Variants in SCD5 observed in about 807,000 individuals in gnomAD.
SCD5 encodes acyl-CoA-desaturase 4.
Under a neutral mutation model 30.4 loss-of-function variants are expected in SCD5, and 20 were observed. The observed-to-expected ratio is 0.66, with a 90% confidence interval of 0.46 to 0.96. The LOEUF (loss-of-function observed/expected upper bound fraction) is 0.96, where lower values mean the gene tolerates loss of function less well. Among genes scored for constraint, SCD5 ranks in the 40% least tolerant of loss-of-function variants. SCD5 has a pLI of 0.00. For missense variants in SCD5, 381 were observed against 443.3 expected (o/e 0.86, Z 1.26); for synonymous variants, 173 against 176.4 (o/e 0.98, Z 0.16).
intron 3 of SCD5, among the ~76,000 whole-genome samples, chr4:82,664,849 T>G (rs2135505): frequency 0.33 from 50,172 of 150,738 alleles, 9,043 homozygotes; most frequent in African/African-American, 0.48. Context: ...GAAGAAGCCA[T>G]GCATTGTGGC....
intron 1 of SCD5, among the ~76,000 whole-genome samples, chr4:82,768,583 A>C (rs1721543239): frequency 6.6e-6 from 1 of 152,216 alleles, no homozygotes; most frequent in African/African-American, 2.4e-5. Flanking sequence ...AATGAAATGC[A>C]TTATTTGCAA....
At chr4:82,755,763 G>A (rs1721222068) in intron 1 of SCD5, among the ~76,000 whole-genome samples, 1 of 152,034 alleles carries the variant, frequency 6.6e-6, no homozygotes, top group Non-Finnish European at 1.5e-5. Context: ...ACCCTCTAAA[G>A]CATATTTGTC....
intron 1 of SCD5, among the ~76,000 whole-genome samples, chr4:82,768,858 T>C (rs1222234761): frequency 1.3e-5 from 2 of 151,996 alleles, no homozygotes; most frequent in Middle Eastern, 3.2e-3. Flanking sequence ...ATGAGAGGTG[T>C]AGTGTGAAGG....
intron 1 of SCD5, among the ~76,000 whole-genome samples, chr4:82,777,991 G>C (rs1721789832): frequency 6.7e-6 from 1 of 149,660 alleles, no homozygotes; most frequent in South Asian, 2.1e-4. Context: ...TAATAGACTG[G>C]ATAAAGAAAA....
chr4:82,747,071 C>CCCCCG (rs562117466), intron 1 of SCD5, among the ~76,000 whole-genome samples: 1,161 of 103,212 alleles, frequency 0.011, 51 homozygotes, highest in Middle Eastern at 0.023. Context: ...GGCAACCTGC[C>CCCCCG]CCCCAAGAAA....
Position 82,636,757 on chromosome 4 carries a change from C to T in SCD5, c.636G>A (p.Trp212Ter). ...AGTAGGAATTCCACAGACTCTCTCC[C>T]CAGATGTACCAGGGCACCAGCGTGG... The part of the protein sequence containing the change: ...VVPTLVPWYI[W>*]GESLWNSYFL... Residue 212 changes from tryptophan (W) to a stop codon, truncating the protein, a stop_gained, in exon 4 of 5, where the codon TGG (tryptophan) becomes TGA (stop). Transcript: ENST00000319540. LOFTEE classifies it high-confidence loss of function. 6.2e-7 allele frequency: 1 copy of T among 1,614,240 alleles called. No homozygotes were observed. Among genetic ancestry groups the T allele is most frequent in the Non-Finnish European group, 8.5e-7 (1 of 1,180,044 alleles).
intron 3 of SCD5, among the ~76,000 whole-genome samples, chr4:82,654,304 G>T (rs1174553198): frequency 6.6e-6 from 1 of 152,152 alleles, no homozygotes; most frequent in East Asian, 1.9e-4. Flanking sequence ...ACTTGGACAG[G>T]GAGCCTGTCC....
intron 2 of SCD5, among the ~76,000 whole-genome samples, chr4:82,684,002 T>A (rs4693488): frequency 6.6e-6 from 1 of 152,220 alleles, no homozygotes; most frequent in Admixed American, 6.5e-5. Flanking sequence ...TAATTCAATG[T>A]CATGCAATCT....
At chr4:82,796,195 A>G (rs571055153) in intron 1 of SCD5, among the ~76,000 whole-genome samples, 32 of 151,768 alleles carry the variant, frequency 2.1e-4, no homozygotes, top group African/African-American at 4.8e-4. Flanking sequence ...GTGTGAACCC[A>G]GGAGGCGGAG....
intron 3 of SCD5, among the ~76,000 whole-genome samples, chr4:82,678,157 C>T (rs1040333324): frequency 2.0e-5 from 3 of 151,942 alleles, no homozygotes; most frequent in African/African-American, 7.3e-5. Flanking sequence ...GCACTGATTC[C>T]CAGCAGGAGC....
intron 2 of SCD5, among the ~76,000 whole-genome samples, chr4:82,685,865 CATT>C (rs1316731833): frequency 2.0e-5 from 3 of 151,862 alleles, no homozygotes; most frequent in Non-Finnish European, 4.4e-5. Flanking sequence ...AGATGCTGTA[CATT>C]ATTTTTTTTC....
At chr4:82,755,049 T>A (rs1199435549) in intron 1 of SCD5, among the ~76,000 whole-genome samples, 1 of 148,036 alleles carries the variant, frequency 6.8e-6, no homozygotes, top group African/African-American at 2.5e-5. Context: ...AAGAACTTGA[T>A]GTCAGTTTTA....
chr4:82,686,911 C>CTGTA (rs1443418554), intron 2 of SCD5, among the ~76,000 whole-genome samples: 1 of 152,110 alleles, frequency 6.6e-6, no homozygotes, highest in Non-Finnish European at 1.5e-5. Flanking sequence ...TGGCTCACAC[C>CTGTA]TGTAATCCTA....
In SCD5 at chr4:82,798,620, T is replaced by C; in HGVS notation, c.-83A>G. The stretch of plus-strand genomic sequence containing the variant: ...GGAGCTCGAGGGTGGGGGCGGGGGC[T>C]TCTGCCTTTTAGGGGGGAATTCTCC... On this transcript the variant is annotated 5_prime_UTR_variant, in exon 1 of 5. Transcript: ENST00000319540. 7.9e-7 allele frequency: 1 copy of C among 1,261,450 alleles called. No individual in the cohort carries two copies. The highest frequency in any genetic ancestry group is 1.1e-6 in the Non-Finnish European group (1 of 933,512). The allele number at this position is 1,261,450 out of a possible 1,614,324, so 78.1% of individuals were successfully genotyped here.
chr4:82,699,551 ATTTTGTT>A (rs1005290064), intron 2 of SCD5, among the ~76,000 whole-genome samples: 5 of 107,806 alleles, frequency 4.6e-5, no homozygotes, highest in African/African-American at 1.2e-4. Context: ...TGCCTGGCTA[ATTTTGTT>A]TTTTGTTTTT....
intron 3 of SCD5, among the ~76,000 whole-genome samples, chr4:82,640,980 T>C (rs143963002): frequency 1.3e-5 from 2 of 152,350 alleles, no homozygotes; most frequent in East Asian, 1.9e-4. Context: ...CAACGCCTTC[T>C]AGCTGTGTGA....
intron 4 of SCD5, among the ~76,000 whole-genome samples, chr4:82,632,801 C>T (rs947032968): frequency 6.6e-6 from 1 of 152,040 alleles, no homozygotes; most frequent in African/African-American, 2.4e-5. Flanking sequence ...AAAAGATGTA[C>T]TCATGAGAGC....
At chr4:82,689,180 G>C (rs1478074921) in intron 2 of SCD5, among the ~76,000 whole-genome samples, 4 of 152,236 alleles carry the variant, frequency 2.6e-5, no homozygotes, top group African/African-American at 9.6e-5. Flanking sequence ...GCTGGTGCCA[G>C]GACTGGGGTA....
intron 2 of SCD5, among the ~76,000 whole-genome samples, chr4:82,690,140 A>G (rs1728800208): frequency 6.6e-6 from 1 of 152,228 alleles, no homozygotes; most frequent in Non-Finnish European, 1.5e-5. Context: ...TGACTTTGGT[A>G]AGTGTATTCT....
Sources: allele counts gnomAD v4.1 joint callset (sites outside exome capture counted in the v4.1 genomes callset), GRCh38; gene constraint gnomAD v4.1.1; transcripts MANE v1.5; gene names NCBI Gene and HGNC (gene_info 2026-07-23, HGNC 2026-07-21).